CNTN5: variants seen among roughly 807,000 people sequenced by gnomAD.
CNTN5 encodes the protein contactin-5.
A neutral mutation model predicts 129.1 loss-of-function variants in CNTN5; 77 were observed. The ratio of observed to expected loss-of-function variants is 0.60; its 90% CI spans 0.50 to 0.72. The LOEUF (loss-of-function observed/expected upper bound fraction) is 0.72, where lower values mean the gene tolerates loss of function less well. CNTN5 is among the 30% of genes least tolerant of loss of function. CNTN5 has a pLI of 0.00. For missense variants in CNTN5, 1,478 were observed against 1,328.8 expected (o/e 1.11, Z -1.75); for synonymous variants, 509 against 465.6 (o/e 1.09, Z -1.20).
chr11:99,613,648 G>C (rs901477312), intron 3 of CNTN5, among the ~76,000 whole-genome samples: 2 of 151,252 alleles, frequency 1.3e-5, no homozygotes, highest in Non-Finnish European at 2.9e-5. Flanking sequence ...TCTTTATTTT[G>C]GCATTAAATA....
chr11:99,519,778 GA>G (rs1285732340), intron 2 of CNTN5, among the ~76,000 whole-genome samples: 2 of 151,860 alleles, frequency 1.3e-5, no homozygotes, highest in South Asian at 2.1e-4. Context: ...AGTTTACATG[GA>G]AAAAAAGAAG....
intron 1 of CNTN5, among the ~76,000 whole-genome samples, chr11:99,226,790 C>A (rs1860710228): frequency 6.6e-6 from 1 of 152,100 alleles, no homozygotes; most frequent in Admixed American, 6.5e-5. Context: ...GCTAAGGGTG[C>A]TCAATAGATT....
At chr11:99,616,428 C>A (rs181384952) in intron 3 of CNTN5, among the ~76,000 whole-genome samples, 17 of 152,118 alleles carry the variant, frequency 1.1e-4, no homozygotes, top group Non-Finnish European at 2.1e-4. Flanking sequence ...CCATGTACTT[C>A]ATGGTGTTAT....
intron 6 of CNTN5, among the ~76,000 whole-genome samples, chr11:99,867,179 G>A (rs1347649587): frequency 6.6e-6 from 1 of 152,128 alleles, no homozygotes. Flanking sequence ...TTGCAGTCAA[G>A]ATCACTGTTG....
In CNTN5 at chr11:100,141,158, GA is replaced by G. The variant is rs375077168; in HGVS notation, c.1581-49967del. On this transcript the variant is annotated intron_variant, in intron 13 of 24. Transcript: ENST00000524871. ...TGGGGGGAGGCATGTTAAAGTTGGA[GA>G]GGGGTAGAATTCGGAGTCTAAAAAG... Among the ~76,000 whole-genome samples the G allele has an allele frequency of 3.0e-3, 461 of 152,224 alleles. 3 individuals are homozygous for G. The highest frequency in any genetic ancestry group is 0.01 in the African/African-American group (434 of 41,540).
chr11:99,099,890 T>C (rs1376207908), intron 1 of CNTN5, among the ~76,000 whole-genome samples: 4 of 152,222 alleles, frequency 2.6e-5, no homozygotes, highest in African/African-American at 7.2e-5. Context: ...TGGCATGTTA[T>C]GTTACAAATC....
chr11:99,966,929 T>C (rs898851991), intron 8 of CNTN5, among the ~76,000 whole-genome samples: 1 of 152,092 alleles, frequency 6.6e-6, no homozygotes, highest in Non-Finnish European at 1.5e-5. Flanking sequence ...TGTGGACTAG[T>C]GAGAAAGATT....
chr11:99,361,157 C>G (rs1003829251), intron 2 of CNTN5, among the ~76,000 whole-genome samples: 1 of 152,132 alleles, frequency 6.6e-6, no homozygotes, highest in Non-Finnish European at 1.5e-5. Context: ...ATATTTCTAT[C>G]AACGTCCTAT....
chr11:99,580,484 A>G (rs1325510136), intron 3 of CNTN5, among the ~76,000 whole-genome samples: 4 of 152,108 alleles, frequency 2.6e-5, no homozygotes, highest in African/African-American at 2.4e-5. Context: ...TTGGTAATCT[A>G]TTAATTATTG....
At chr11:100,173,957 G>C (rs1443044660) in intron 13 of CNTN5, among the ~76,000 whole-genome samples, 1 of 152,112 alleles carries the variant, frequency 6.6e-6, no homozygotes, top group African/African-American at 2.4e-5. Context: ...CACAGCTGCA[G>C]GGTCCTGGGT....
At chr11:99,536,235 C>A (rs1947895012) in intron 2 of CNTN5, among the ~76,000 whole-genome samples, 1 of 150,440 alleles carries the variant, frequency 6.6e-6, no homozygotes, top group Non-Finnish European at 1.5e-5. Flanking sequence ...ATGTAATAGA[C>A]TATTGGCCTT....
At chr11:100,342,201 C>G (rs969867757) in intron 23 of CNTN5, among the ~76,000 whole-genome samples, 2 of 145,194 alleles carry the variant, frequency 1.4e-5, no homozygotes, top group Non-Finnish European at 3.0e-5. Context: ...CAGTAATGGT[C>G]GGGAATATTG....
At chr11:99,458,202 G>A (rs921619422) in intron 2 of CNTN5, among the ~76,000 whole-genome samples, 3 of 151,884 alleles carry the variant, frequency 2.0e-5, no homozygotes, top group African/African-American at 7.2e-5. Flanking sequence ...ATGTATCAGT[G>A]TTAATTCTAT....
At chr11:99,910,475 C>T (rs1175190532) in intron 6 of CNTN5, among the ~76,000 whole-genome samples, 1 of 152,148 alleles carries the variant, frequency 6.6e-6, no homozygotes, top group East Asian at 1.9e-4. Context: ...TATTCTTCCT[C>T]AGAAACTGGT....
At chr11:99,574,643 A>G (rs1949286218) in intron 3 of CNTN5, among the ~76,000 whole-genome samples, 1 of 152,162 alleles carries the variant, frequency 6.6e-6, no homozygotes, top group Admixed American at 6.5e-5. Context: ...TTTGATTTGC[A>G]TTCCTCTAAT....
intron 2 of CNTN5, among the ~76,000 whole-genome samples, chr11:99,487,092 C>A (rs188101120): frequency 2.0e-5 from 3 of 152,222 alleles, no homozygotes; most frequent in Non-Finnish European, 2.9e-5. Context: ...GAGAGAAGGT[C>A]GAGAAAGTAC....
chr11:99,287,510 C>G (rs575988280), intron 1 of CNTN5, among the ~76,000 whole-genome samples: 1 of 152,152 alleles, frequency 6.6e-6, no homozygotes, highest in East Asian at 1.9e-4. Context: ...AATTGCCATC[C>G]TTAAAGCTAT....
intron 6 of CNTN5, among the ~76,000 whole-genome samples, chr11:99,874,053 A>C (rs1440643142): frequency 6.6e-5 from 10 of 152,088 alleles, no homozygotes; most frequent in Non-Finnish European, 7.4e-5. Context: ...AGGCTCTGGG[A>C]ACTCTGAAAG....
intron 2 of CNTN5, among the ~76,000 whole-genome samples, chr11:99,413,375 T>A (rs536977918): frequency 1.2e-4 from 18 of 152,008 alleles, no homozygotes; most frequent in Non-Finnish European, 2.5e-4. Flanking sequence ...TCCCAGCACT[T>A]TGGGAGGCTG....
Sources: gnomAD v4.1 joint callset for allele counts (sites outside exome capture counted in the v4.1 genomes callset) on GRCh38, gnomAD v4.1.1 for gene constraint, MANE v1.5 for transcripts, NCBI Gene and HGNC (gene_info 2026-07-23, HGNC 2026-07-21) for gene names.